The following SOX5 variants were observed in gnomAD, a reference collection of about 807,000 sequenced individuals.
SOX5 encodes the protein SRY-box transcription factor 5.
A neutral mutation model predicts 92.0 loss-of-function variants in SOX5; 9 were observed. The observed-to-expected ratio is 0.10, with a 90% CI of 0.06 to 0.17. SOX5 has a LOEUF of 0.17. SOX5 is among the 10% of genes least tolerant of loss of function. The probability of loss-of-function intolerance (pLI) is 1.00; values close to 1 mark genes in which losing one functional copy is unlikely to be tolerated. For synonymous variants in SOX5, 344 were observed against 336.3 expected, an observed-to-expected ratio of 1.02 and a Z score of -0.25; for missense variants, 642 against 944.5, an observed-to-expected ratio of 0.68 and a Z score of 4.20.
At chr12:24,251,563 G>C (rs533541199) in intron 3 of SOX5, among the ~76,000 whole-genome samples, 20 of 148,908 alleles carry the variant, frequency 1.3e-4, no homozygotes, top group Non-Finnish European at 2.4e-4. Context: ...AGGATGGTTA[G>C]GGTTTTTTGT....
At chr12:23,871,473 A>G (rs544363604) in intron 2 of SOX5, among the ~76,000 whole-genome samples, 1 of 152,188 alleles carries the variant, frequency 6.6e-6, no homozygotes, top group Non-Finnish European at 1.5e-5. Flanking sequence ...TGAAGTGTAA[A>G]ATAGTGGGTA....
At chr12:24,348,806 C>T (rs139825889) in intron 2 of SOX5, among the ~76,000 whole-genome samples, 138 of 152,178 alleles carry the variant, frequency 9.1e-4, no homozygotes, top group Middle Eastern at 6.8e-3. Context: ...ATCATGGGGG[C>T]GGGTTTTCTC....
At chr12:23,928,973 A>G (rs568489539) in intron 1 of SOX5, among the ~76,000 whole-genome samples, 110 of 151,942 alleles carry the variant, frequency 7.2e-4, no homozygotes, top group African/African-American at 2.4e-3. Context: ...AATTACTAAA[A>G]TAATATCTGA....
At chr12:23,810,033 C>T (rs888504310) in intron 3 of SOX5, among the ~76,000 whole-genome samples, 5 of 152,018 alleles carry the variant, frequency 3.3e-5, no homozygotes, top group Non-Finnish European at 7.4e-5. Context: ...AACAAAACAT[C>T]CTACTGAGTA....
intron 3 of SOX5, among the ~76,000 whole-genome samples, chr12:23,777,099 C>T (rs2095128041): frequency 6.6e-6 from 1 of 152,198 alleles, no homozygotes; most frequent in Non-Finnish European, 1.5e-5. Flanking sequence ...AGACACACAA[C>T]AAACATTGGT....
At chr12:24,054,721 T>A (rs1957927253) in intron 4 of SOX5, among the ~76,000 whole-genome samples, 1 of 152,176 alleles carries the variant, frequency 6.6e-6, no homozygotes, top group East Asian at 1.9e-4. Flanking sequence ...GAAAGATGAA[T>A]GCAAAGCCAA....
chr12:23,853,125 C>T (rs965701913), intron 2 of SOX5, among the ~76,000 whole-genome samples: 2 of 146,510 alleles, frequency 1.4e-5, no homozygotes, highest in African/African-American at 2.5e-5. Flanking sequence ...TATATATATA[C>T]ATATATATAT....
At chr12:23,714,647 C>T (rs1282258924) in intron 6 of SOX5, among the ~76,000 whole-genome samples, 1 of 151,434 alleles carries the variant, frequency 6.6e-6, no homozygotes, top group Non-Finnish European at 1.5e-5. Context: ...ACAAAAAAAA[C>T]CCACAACAGT....
chr12:23,615,912 C>T (rs1377440185), intron 8 of SOX5, among the ~76,000 whole-genome samples: 1 of 152,138 alleles, frequency 6.6e-6, no homozygotes, highest in Admixed American at 6.5e-5. Context: ...TTTAATAGTA[C>T]TGTATAGCTA....
chr12:23,726,325 G>A (rs944957556), intron 6 of SOX5, among the ~76,000 whole-genome samples: 1 of 152,030 alleles, frequency 6.6e-6, no homozygotes, highest in Non-Finnish European at 1.5e-5. Flanking sequence ...ACGTAACTGT[G>A]CTCTTCATAG....
At chr12:24,025,125 A>G (rs1954739312) in intron 4 of SOX5, among the ~76,000 whole-genome samples, 1 of 152,072 alleles carries the variant, frequency 6.6e-6, no homozygotes, top group African/African-American at 2.4e-5. Context: ...TTTTTAATGT[A>G]TAAAATATAA....
chr12:24,472,002 T>C (rs148285030), intron 1 of SOX5, among the ~76,000 whole-genome samples: 2 of 152,324 alleles, frequency 1.3e-5, no homozygotes, highest in Admixed American at 1.3e-4. Context: ...CCATACTCAA[T>C]TTAGTGCAAC....
chr12:23,658,102 G>C (rs775967834), intron 7 of SOX5, among the ~76,000 whole-genome samples: 5 of 152,124 alleles, frequency 3.3e-5, no homozygotes, highest in Non-Finnish European at 5.9e-5. Context: ...TCATCTCACA[G>C]TTATAATGAT....
chr12:24,164,127 G>A (rs1256477560), intron 4 of SOX5, among the ~76,000 whole-genome samples: 1 of 151,966 alleles, frequency 6.6e-6, no homozygotes, highest in East Asian at 1.9e-4. Context: ...CCATAAGTTT[G>A]TACCTTTCAC....
intron 3 of SOX5, among the ~76,000 whole-genome samples, chr12:23,821,556 G>T (rs977893450): frequency 6.6e-6 from 1 of 152,130 alleles, no homozygotes; most frequent in Non-Finnish European, 1.5e-5. Flanking sequence ...TGGGCTGTGG[G>T]TTTGTCATAA....
At chr12:24,241,666 C>T (rs1431794909) in intron 3 of SOX5, among the ~76,000 whole-genome samples, 1 of 152,148 alleles carries the variant, frequency 6.6e-6, no homozygotes, top group Non-Finnish European at 1.5e-5. Context: ...ACTTCACTTT[C>T]CCCCTCAACA....
At chr12:23,950,632 G>A (rs112216201), upstream of SOX5, among the ~76,000 whole-genome samples, 1,809 of 152,344 alleles carry the variant, frequency 0.012, 38 homozygotes, top group African/African-American at 0.042. Context: ...GGGGAGGTCA[G>A]GAGTAGGAAG....
intron 3 of SOX5, among the ~76,000 whole-genome samples, chr12:23,814,028 G>T (rs951293485): frequency 2.0e-5 from 3 of 152,010 alleles, no homozygotes; most frequent in African/African-American, 4.8e-5. Context: ...GAATTTAAGA[G>T]TATTAAAATG....
At chr12:24,414,402 C>T (rs888750960) in intron 1 of SOX5, among the ~76,000 whole-genome samples, 2 of 152,142 alleles carry the variant, frequency 1.3e-5, no homozygotes, top group Non-Finnish European at 2.9e-5. Flanking sequence ...TAGTCAAGTT[C>T]ATGTATTGTT....
Sources: allele counts gnomAD v4.1 joint callset (sites outside exome capture counted in the v4.1 genomes callset), GRCh38; gene constraint gnomAD v4.1.1; transcripts MANE v1.5; gene names NCBI Gene and HGNC (gene_info 2026-07-23, HGNC 2026-07-21).